Variants in ANK2 observed in about 807,000 individuals in gnomAD.
ANK2 encodes ankyrin-2.
A neutral mutation model predicts 360.5 loss-of-function variants in ANK2; 83 were observed. The observed-to-expected ratio is 0.23, with a 90% CI of 0.19 to 0.28. ANK2 has a LOEUF of 0.28. Ranked by LOEUF, ANK2 falls within the 10% of genes least tolerant of loss-of-function variation. ANK2 has a pLI of 1.00. For missense variants in ANK2, 4,201 were observed against 4,795.7 expected, an observed-to-expected ratio of 0.88 and a Z score of 3.66; for synonymous variants, 1,740 against 1,759.5, an observed-to-expected ratio of 0.99 and a Z score of 0.28.
the ANK2 span, among the ~76,000 whole-genome samples, chr4:112,735,362 T>C: frequency 7.9e-6 from 1 of 127,348 alleles, no homozygotes; most frequent in Non-Finnish European, 1.7e-5. Flanking sequence ...AAATAAAATA[T>C]AAAATTCCCT....
intron 10 of ANK2, among the ~76,000 whole-genome samples, chr4:113,255,341 A>G (rs1486335891): frequency 1.3e-5 from 2 of 152,200 alleles, no homozygotes; most frequent in African/African-American, 4.8e-5. Flanking sequence ...TTCCCTCTGT[A>G]TTTATAAGAA....
At chr4:112,985,356 G>A (rs2044487868) in intron 2 of ANK2, among the ~76,000 whole-genome samples, 1 of 152,182 alleles carries the variant, frequency 6.6e-6, no homozygotes, top group African/African-American at 2.4e-5. Context: ...AATGCTAACT[G>A]TGAGTCTATT....
intron 1 of ANK2, among the ~76,000 whole-genome samples, chr4:113,072,241 G>T (rs948989206): frequency 6.6e-6 from 1 of 152,158 alleles, no homozygotes; most frequent in African/African-American, 2.4e-5. Flanking sequence ...GATAACTTCA[G>T]GGTTACCTGG....
At chr4:113,296,149 G>T (rs937096326) in intron 22 of ANK2, among the ~76,000 whole-genome samples, 2 of 152,014 alleles carry the variant, frequency 1.3e-5, no homozygotes, top group African/African-American at 4.8e-5. Context: ...AACTGACTTT[G>T]GTTTTGCTGA....
At chr4:113,060,246 A>G (rs969917734) in intron 1 of ANK2, among the ~76,000 whole-genome samples, 2 of 152,166 alleles carry the variant, frequency 1.3e-5, no homozygotes, top group African/African-American at 2.4e-5. Context: ...AAAATTATTT[A>G]TTAGAAAAAA....
At chr4:113,043,959 G>C (rs2063615069) in intron 2 of ANK2, among the ~76,000 whole-genome samples, 1 of 152,106 alleles carries the variant, frequency 6.6e-6, no homozygotes, top group South Asian at 2.1e-4. Flanking sequence ...CATCTCTTCT[G>C]ATCTCCCTGT....
the ANK2 span, chr4:112,755,803 C>CA: frequency 6.4e-6 from 1 of 156,058 alleles, no homozygotes; most frequent in Non-Finnish European, 1.4e-5. Flanking sequence ...TAAATGTTTT[C>CA]TTTTTTTTTT....
intron 2 of ANK2, among the ~76,000 whole-genome samples, chr4:112,921,052 CTTTT>C (rs1197480851): frequency 1.5e-5 from 2 of 135,118 alleles, no homozygotes; most frequent in Non-Finnish European, 1.6e-5. Flanking sequence ...TTCTTTTTCT[CTTTT>C]TTTTTTTTTT....
At chr4:113,246,953 G>A (rs2043205896) in intron 9 of ANK2, among the ~76,000 whole-genome samples, 1 of 152,140 alleles carries the variant, frequency 6.6e-6, no homozygotes, top group Non-Finnish European at 1.5e-5. Flanking sequence ...CTAGGACACA[G>A]AACTTTGTAA....
intron 1 of ANK2, among the ~76,000 whole-genome samples, chr4:112,892,300 G>A (rs2080273370): frequency 6.6e-6 from 1 of 152,216 alleles, no homozygotes; most frequent in Non-Finnish European, 1.5e-5. Context: ...AGGAACATTT[G>A]CCCTTGGAAT....
At chr4:113,231,209 G>A (rs1435268730) in intron 4 of ANK2, among the ~76,000 whole-genome samples, 4 of 151,746 alleles carry the variant, frequency 2.6e-5, no homozygotes, top group Non-Finnish European at 4.4e-5. Flanking sequence ...GTGCCACCAC[G>A]CCTGGTTAAT....
intron 2 of ANK2, among the ~76,000 whole-genome samples, chr4:112,989,641 C>G (rs1221944183): frequency 6.6e-6 from 1 of 152,144 alleles, no homozygotes; most frequent in South Asian, 2.1e-4. Flanking sequence ...TATCCTGCAG[C>G]CTCATAGTGT....
At chr4:113,285,946 T>C (rs2064366865) in intron 18 of ANK2, among the ~76,000 whole-genome samples, 1 of 152,240 alleles carries the variant, frequency 6.6e-6, no homozygotes, top group African/African-American at 2.4e-5. Context: ...GACAAAAACC[T>C]ATATTCACTG....
rs116361757 is a variant in ANK2 at position 113,076,745 on chromosome 4, G to A, written c.84+26933G>A. On this transcript the variant is annotated intron_variant, in intron 1 of 45. Transcript: ENST00000357077. The stretch of plus-strand genomic sequence containing the variant: ...TGGGAGGTTGAGGCTGCAGTAAACC[G>A]TGATAGTACCACTGTACTCCAGCCA... Among the ~76,000 whole-genome samples the A allele has an allele frequency of 8.8e-3, 1,329 of 151,218 alleles. 16 individuals carry two copies. The highest frequency in any genetic ancestry group is 0.029 in the African/African-American group (1,184 of 41,136).
chr4:113,122,757 T>A (rs1194509101), intron 1 of ANK2, among the ~76,000 whole-genome samples: 1 of 152,096 alleles, frequency 6.6e-6, no homozygotes, highest in Non-Finnish European at 1.5e-5. Context: ...TTATTATTAT[T>A]TAAAACCCAT....
intron 1 of ANK2, among the ~76,000 whole-genome samples, chr4:112,869,082 C>T (rs1580121535): frequency 6.6e-6 from 1 of 151,920 alleles, no homozygotes; most frequent in Non-Finnish European, 1.5e-5. Context: ...CGCTTAGTTC[C>T]CTGGGCAGCT....
In ANK2 at chr4:113,356,357, A is replaced by G; in HGVS notation, c.7739A>G (p.Lys2580Arg). Reference sequence around the variant, plus strand: ...GATGATTCAGAAAACGGGGAGAAAAAGAGGTTCACACCTGAAGAGGAGATG... The same window carrying G: ...GATGATTCAGAAAACGGGGAGAAAAGGAGGTTCACACCTGAAGAGGAGATG... ...EEDDSENGEK[K>R]RFTPEEEMFK... The change falls in exon 38 of 46, where the codon AAG becomes AGG. Residue 2580 changes from lysine (K) to arginine (R), a missense_variant. Physicochemically the swap from Lys to Arg is conservative, Grantham distance 26. Around this residue, in one of 4 missense-constraint regions of ANK2, gnomAD observed 2,642 missense variants for 2,714.5 expected, o/e 0.97. Coordinates refer to ENST00000357077, the MANE Select transcript of ANK2 (RefSeq NM_001148.6). 1 of 1,614,160 alleles carries G rather than the reference A, an allele frequency of 6.2e-7. No individual in the cohort carries two copies. Among genetic ancestry groups the G allele is most frequent in the Non-Finnish European group, 8.5e-7 (1 of 1,179,990 alleles).
intron 2 of ANK2, among the ~76,000 whole-genome samples, chr4:112,975,620 A>C (rs1352994857): frequency 6.6e-6 from 1 of 152,094 alleles, no homozygotes; most frequent in East Asian, 1.9e-4. Context: ...ACCATCAACC[A>C]CTCTAATTTT....
the ANK2 span, among the ~76,000 whole-genome samples, chr4:112,766,481 T>C: frequency 6.6e-6 from 1 of 152,314 alleles, no homozygotes; most frequent in Admixed American, 6.5e-5. Context: ...GATTATGTAA[T>C]TGAAAAGTCC....
Sources: allele counts gnomAD v4.1 joint callset (sites outside exome capture counted in the v4.1 genomes callset), GRCh38; gene constraint gnomAD v4.1.1; regional missense constraint gnomAD v4.1.1; transcripts MANE v1.5; gene names NCBI Gene and HGNC (gene_info 2026-07-23, HGNC 2026-07-21).